Variants in PI4KA observed in about 807,000 individuals in gnomAD.
PI4KA encodes the protein phosphatidylinositol 4-kinase alpha.
In PI4KA, 122 loss-of-function variants were observed where a neutral mutation model predicts 271.4. The observed-to-expected ratio is 0.45, with a 90% CI of 0.39 to 0.52. The LOEUF (loss-of-function observed/expected upper bound fraction) is 0.52. Among genes scored for constraint, PI4KA ranks in the 20% least tolerant of loss-of-function variants. PI4KA has a pLI of 0.00. For synonymous variants in PI4KA, 1,041 were observed against 1,078.8 expected, an observed-to-expected ratio of 0.96 and a Z score of 0.69; for missense variants, 1,969 against 2,769.1, an observed-to-expected ratio of 0.71 and a Z score of 6.48.
chr22:20,827,186 G>A (rs908460813), intron 3 of PI4KA, among the ~76,000 whole-genome samples: 14 of 152,128 alleles, frequency 9.2e-5, no homozygotes, highest in Admixed American at 6.6e-5. Flanking sequence ...ATAGTTTAAG[G>A]TTTTACATCT....
chr22:20,843,132 G>A (rs1925799172), intron 1 of PI4KA, among the ~76,000 whole-genome samples: 1 of 151,208 alleles, frequency 6.6e-6, no homozygotes, highest in African/African-American at 2.4e-5. Flanking sequence ...ACAATATTTA[G>A]TTCCTTCTTT....
intron 8 of PI4KA, 56 bp from the exon 9 acceptor site, chr22:20,811,088 T>C (rs1935976369): frequency 2.3e-6 from 3 of 1,300,504 alleles, no homozygotes; most frequent in Non-Finnish European, 3.4e-6. Flanking sequence ...ACAGGAATGC[T>C]AGCTCCTTCT....
At position 20,751,821 on chromosome 22, in the gene PI4KA, C is replaced by T. The variant is rs1930731360; in HGVS notation, c.2988-66G>A. 12 of 1,419,078 alleles carry T rather than the reference C, an allele frequency of 8.5e-6. No homozygotes were observed. The South Asian group carries it at 1.1e-4, about 12-fold the overall frequency. 87.9% of individuals were successfully genotyped at this position (1,419,078 alleles called of 1,614,324 possible). A position where few individuals can be genotyped will look rare whatever the true frequency, so the allele number is the denominator to read the frequency against. ...CCAAGGAAGGTCTGCTTCTAGGAGCCCCCTCAGCTGCCAGCCCGAGCCCAT... is the reference window on the plus strand; with the variant it reads ...CCAAGGAAGGTCTGCTTCTAGGAGCTCCCTCAGCTGCCAGCCCGAGCCCAT... On this transcript the variant is annotated intron_variant, in intron 25 of 54. Transcript: ENST00000255882.
In PI4KA at chr22:20,805,158, C is replaced by A; in HGVS notation, c.1176G>T (p.Pro392=). The A allele has an allele frequency of 6.2e-7, 1 of 1,613,022 alleles. No homozygotes were observed. Among genetic ancestry groups the A allele is most frequent in the South Asian group, 1.1e-5 (1 of 90,882 alleles). Residue 392 remains proline (P), a synonymous_variant, in exon 11 of 55, where the codon CCG becomes CCT. Coordinates refer to ENST00000255882, the MANE Select transcript of PI4KA (RefSeq NM_058004.4). ...CATGGATCTCCTTCACAAAAGAGGTCGGGAGGTCTGTAGGAAAGAGTGTGG... is the reference window on the plus strand; with the variant it reads ...CATGGATCTCCTTCACAAAAGAGGTAGGGAGGTCTGTAGGAAAGAGTGTGG... The part of the protein sequence containing the change: ...RDTLYYMKDL[P]TSFVKEIHDF...
Position 20,787,354 on chromosome 22 carries a change from G to A in PI4KA, c.2328+5839C>T, listed in dbSNP as rs554830580. The A allele has an allele frequency of 4.9e-4, 218 of 448,904 alleles. 4 individuals are homozygous for A. In the Admixed American group the frequency reaches 7.0e-3, roughly 14 times the overall value. The allele number at this position is 448,904 out of a possible 1,614,324, so 27.8% of individuals were successfully genotyped here. A position where few individuals can be genotyped will look rare whatever the true frequency, so the allele number is the denominator to read the frequency against. ...ACTCTTCACAGCAAACCTGAGCAGC[G>A]CGTCCTAAGCACCTCCCGCTCCGGT... On this transcript the variant is annotated intron_variant, in intron 19 of 54. Coordinates refer to ENST00000255882, the MANE Select transcript of PI4KA (RefSeq NM_058004.4).
At chr22:20,815,412 A>C (rs1921668555) in intron 7 of PI4KA, among the ~76,000 whole-genome samples, 1 of 151,738 alleles carries the variant, frequency 6.6e-6, no homozygotes, top group Admixed American at 6.6e-5. Flanking sequence ...AAATCAAAAC[A>C]AACAAACAAA....
intron 40 of PI4KA, 151 bp from the exon 41 acceptor site, chr22:20,727,548 A>G (rs1927510420): frequency 1.3e-6 from 1 of 760,424 alleles, no homozygotes; most frequent in Non-Finnish European, 2.1e-6. Flanking sequence ...GTTATGGAAA[A>G]CAACGTAACT....
intron 19 of PI4KA, among the ~76,000 whole-genome samples, chr22:20,786,547 A>G (rs546643388): frequency 1.3e-5 from 2 of 152,324 alleles, no homozygotes; most frequent in Non-Finnish European, 2.9e-5. Context: ...ACACCAGTCC[A>G]AACAGTGCAG....
intron 19 of PI4KA, among the ~76,000 whole-genome samples, chr22:20,766,730 C>G (rs1389502508): frequency 1.3e-5 from 2 of 152,158 alleles, no homozygotes; most frequent in African/African-American, 2.4e-5. Flanking sequence ...TACGGACCCC[C>G]CAGTGGATGT....
chr22:20,709,602 T>C, intron 53 of PI4KA: 1 of 582,294 alleles, frequency 1.7e-6, no homozygotes, highest in Non-Finnish European at 3.1e-6. Flanking sequence ...CCCCATGGCA[T>C]TAGGGGACTA....
rs1210882808 is a variant in PI4KA, at chr22:20,729,645, A to G, written c.4475T>C (p.Leu1492Pro). Residue 1492 changes from leucine to proline, a missense_variant, in exon 38 of 55, where the codon CTG (leucine) becomes CCG (proline). Physicochemically the swap from Leu to Pro is moderately conservative, Grantham distance 98. This residue lies in a region of PI4KA where 388 missense variants were observed against 521.5 expected (regional missense o/e 0.74). Transcript: ENST00000255882. ...TGTGGGCCTTACCAGCAGGGACAGC[A>G]GCAGCGTCCTGCGCTTCATGTAGTA... Reference protein sequence around the residue: ...HKYYMKRRTLLLSLLATEIER... With the variant: ...HKYYMKRRTLPLSLLATEIER... 1 of 1,572,524 alleles carries G rather than the reference A, an allele frequency of 6.4e-7. No homozygotes were observed. The highest frequency in any genetic ancestry group is 1.2e-5 in the South Asian group (1 of 86,310).
At chr22:20,784,288 TG>T in intron 19 of PI4KA, 1 of 1,612,386 alleles carries the variant, frequency 6.2e-7, no homozygotes, top group Non-Finnish European at 8.5e-7. Context: ...TCCCAGATGC[TG>T]GGGGTGTCTG....
intron 43 of PI4KA, among the ~76,000 whole-genome samples, chr22:20,721,091 C>T (rs945806688): frequency 3.3e-5 from 5 of 152,126 alleles, no homozygotes; most frequent in African/African-American, 9.7e-5. Flanking sequence ...AGGGTGGCAT[C>T]GGACAGCAAG....
chr22:20,821,779 C>T (rs899133771), intron 4 of PI4KA, among the ~76,000 whole-genome samples: 19 of 151,806 alleles, frequency 1.3e-4, no homozygotes, highest in Non-Finnish European at 1.5e-4. Flanking sequence ...TTAGTAGAGA[C>T]GGGGTTTCTC....
In PI4KA at chr22:20,764,899, G is replaced by A. The variant is rs2147396039; in HGVS notation, c.2626C>T (p.Pro876Ser). ...TTGTTGATGAGTGCGGACACCTCGG[G>A]AGGGGGGTCCAGCAGGTTGATGATA... is the stretch of plus-strand genomic sequence containing the variant. ...STIINLLDPP[P>S]EVSALINKLD... The change falls in exon 22 of 55, where the codon CCC (proline) becomes TCC (serine). Residue 876 changes from proline (P) to serine (S), a missense_variant. Physicochemically the swap from Pro to Ser is moderately conservative, Grantham distance 74. This residue lies in a region of PI4KA where 368 missense variants were observed against 544.3 expected (regional missense o/e 0.68). Transcript: ENST00000255882. 6.2e-7 allele frequency: 1 copy of A among 1,613,562 alleles called. No homozygotes were observed. The highest frequency in any genetic ancestry group is 1.3e-5 in the African/African-American group (1 of 75,036).
chr22:20,765,365 G>T, intron 20 of PI4KA, 129 bp from the exon 21 acceptor site: 2 of 1,019,616 alleles, frequency 2.0e-6, no homozygotes, highest in Non-Finnish European at 2.9e-6. Context: ...CAGAAACGAA[G>T]TCTGTTACCT....
chr22:20,851,330 G>GT (rs1341609712), intron 1 of PI4KA, among the ~76,000 whole-genome samples: 1 of 151,572 alleles, frequency 6.6e-6, no homozygotes, highest in Non-Finnish European at 1.5e-5. Flanking sequence ...ATAGCCTTGG[G>GT]TTTTTTTTGT....
At chr22:20,816,089 G>A (rs969320338) in intron 7 of PI4KA, among the ~76,000 whole-genome samples, 5 of 151,982 alleles carry the variant, frequency 3.3e-5, no homozygotes, top group African/African-American at 1.2e-4. Flanking sequence ...ATAGGTGTGA[G>A]CCACTGCACC....
At position 20,820,013 on chromosome 22, in the gene PI4KA, G is replaced by A. The variant is rs535341796; in HGVS notation, c.530-113C>T. 6.9e-5 allele frequency: 66 copies of A among 950,356 alleles called. 1 individual carries two copies. In the South Asian group the frequency reaches 8.8e-4, roughly 13 times the overall value. 58.9% of individuals were successfully genotyped at this position (950,356 alleles called of 1,614,324 possible). A position where few individuals can be genotyped will look rare whatever the true frequency, so the allele number is the denominator to read the frequency against. On this transcript the variant is annotated intron_variant, in intron 5 of 54. Transcript: ENST00000255882. ...TTTCACAACCCACCCACTAATAACT[G>A]TGAAGGTTCACAATAAGCCACAATA... is the stretch of plus-strand genomic sequence containing the variant.
Sources: gnomAD v4.1 joint callset for allele counts (sites outside exome capture counted in the v4.1 genomes callset) on GRCh38, gnomAD v4.1.1 for gene constraint, gnomAD v4.1.1 regional missense constraint, MANE v1.5 for transcripts, NCBI Gene and HGNC (gene_info 2026-07-23, HGNC 2026-07-21) for gene names.